ADAP1: variants seen among roughly 807,000 people sequenced by gnomAD.
ADAP1 encodes arf-GAP with dual PH domain-containing protein 1.
A neutral mutation model predicts 54.9 loss-of-function variants in ADAP1; 31 were observed. The observed-to-expected ratio is 0.56, with a 90% CI of 0.42 to 0.76. The LOEUF (loss-of-function observed/expected upper bound fraction) is 0.76. Ranked by LOEUF, ADAP1 falls within the 30% of genes least tolerant of loss-of-function variation. The probability of loss-of-function intolerance (pLI) is 0.00; values close to 1 mark genes in which losing one functional copy is unlikely to be tolerated. For missense variants in ADAP1, 535 were observed against 512.4 expected (o/e 1.04, Z -0.42); for synonymous variants, 313 against 202.6 (o/e 1.55, Z -4.63).
intron 1 of ADAP1, among the ~76,000 whole-genome samples, chr7:953,518 T>A (rs980942834): frequency 6.6e-6 from 1 of 151,976 alleles, no homozygotes; most frequent in African/African-American, 2.4e-5. Flanking sequence ...CGCCGGTGAG[T>A]TTAGGTTTGT....
chr7:936,180 C>T (rs1295067400), intron 1 of ADAP1, among the ~76,000 whole-genome samples: 3 of 152,104 alleles, frequency 2.0e-5, no homozygotes, highest in African/African-American at 7.2e-5. Flanking sequence ...GGCTCAGGCC[C>T]GTAATCCCAG....
chr7:901,367 C>T (rs1467419838), intron 6 of ADAP1: 1 of 220,678 alleles, frequency 4.5e-6, no homozygotes, highest in African/African-American at 2.3e-5. Context: ...GAGCTGGTGA[C>T]CTCTGGAAAG....
chr7:905,393 GAAAGGAGAAAGGAGA>G (rs1562911639), intron 4 of ADAP1: 4 of 242,268 alleles, frequency 1.7e-5, no homozygotes, highest in African/African-American at 7.3e-5. Context: ...GGAGAAAGGA[GAAAGGAGAAAGGAGA>G]AAGGGAGAAA....
Position 926,873 on chromosome 7 carries a change from C to G in ADAP1, c.214-229G>C. 1.1e-6 allele frequency: 1 copy of G among 919,412 alleles called. No homozygotes were observed. Among genetic ancestry groups the G allele is most frequent in the Non-Finnish European group, 1.5e-6 (1 of 651,630 alleles). 57.0% of individuals were successfully genotyped at this position (919,412 alleles called of 1,614,324 possible). A position where few individuals can be genotyped will look rare whatever the true frequency, so the allele number is the denominator to read the frequency against. On this transcript the variant is annotated intron_variant, in intron 2 of 10. Coordinates refer to ENST00000265846, the MANE Select transcript of ADAP1 (RefSeq NM_006869.4). The surrounding 1 kb of genome is among the most constrained non-coding windows in gnomAD (Gnocchi z 4.6). ...AGCCAGCGTCCCTAACGACGGGGTC[C>G]CGGCAAAGGGGGCCCAGGGGCCAGG...
intron 5 of ADAP1, 107 bp downstream of exon 5, chr7:904,953 A>T: frequency 1.1e-6 from 1 of 923,122 alleles, no homozygotes; most frequent in Non-Finnish European, 1.7e-6. Context: ...CGGGGGGGGC[A>T]GCAGGGAGGG....
intron 4 of ADAP1, among the ~76,000 whole-genome samples, chr7:914,703 C>T (rs1055340735): frequency 6.6e-6 from 1 of 152,132 alleles, no homozygotes; most frequent in Non-Finnish European, 1.5e-5. Context: ...GGAGAGGTGC[C>T]CTGGAGCCCC....
rs568257925 is a variant in ADAP1, at chr7:945,318, G to A, written c.82+9078C>T. ...ACCCTCCAGGGTGGAAGGGGAGCTG[G>A]TCTGACGCCCCAGCAGCAGGGCCCC... On this transcript the variant is annotated intron_variant, in intron 1 of 10. Coordinates refer to ENST00000265846, the MANE Select transcript of ADAP1 (RefSeq NM_006869.4). This position sits in a 1 kb window ranked among gnomAD's most constrained non-coding sequence, Gnocchi z 4.2. Among the ~76,000 whole-genome samples the A allele has an allele frequency of 2.3e-4, 35 of 152,342 alleles. No individual in the cohort carries two copies. The highest frequency in any genetic ancestry group is 1.0e-4 in the Non-Finnish European group (7 of 68,018).
chr7:919,257 C>A (rs544741447), intron 4 of ADAP1, among the ~76,000 whole-genome samples: 1 of 152,342 alleles, frequency 6.6e-6, no homozygotes, highest in African/African-American at 2.4e-5. Flanking sequence ...CTCACCCGGG[C>A]CTTCAGGTCC....
chr7:912,849 G>A (rs962382481), intron 4 of ADAP1, among the ~76,000 whole-genome samples: 1 of 152,056 alleles, frequency 6.6e-6, no homozygotes, highest in Middle Eastern at 3.2e-3. Context: ...TATCACGCCA[G>A]GCCTATTTAT....
chr7:912,165 G>A (rs558821411), intron 4 of ADAP1, among the ~76,000 whole-genome samples: 1 of 152,312 alleles, frequency 6.6e-6, no homozygotes, highest in South Asian at 2.1e-4. Flanking sequence ...ACCACCAGGA[G>A]GGGCCGTCCT....
rs756545112 is a variant in ADAP1 at position 899,408 on chromosome 7, C to T, written c.867+11G>A. The stretch of plus-strand genomic sequence containing the variant: ...CTGCCCTCCCGTGCTGGGGCCACAG[C>T]TCCTCCTTACCAGGGGGTCTTTGAA... On this transcript the variant is annotated intron_variant, in intron 9 of 10. Transcript: ENST00000265846. 3.1e-6 allele frequency: 5 copies of T among 1,612,670 alleles called. No homozygotes were observed. The highest frequency in any genetic ancestry group is 2.7e-5 in the African/African-American group (2 of 74,932).
At chr7:953,962 C>T (rs534021124) in intron 1 of ADAP1, among the ~76,000 whole-genome samples, 3 of 152,320 alleles carry the variant, frequency 2.0e-5, no homozygotes, top group African/African-American at 7.2e-5. Context: ...CATGACGTCA[C>T]CGCGAGGTGG....
chr7:935,109 C>T lies in ADAP1; in HGVS notation c.213+266G>A, dbSNP rs1394019695. On this transcript the variant is annotated intron_variant, in intron 2 of 10. Coordinates refer to ENST00000265846, the MANE Select transcript of ADAP1 (RefSeq NM_006869.4). ...TCCGGAGCTCCCAGGGCACGGGAAT[C>T]GGCGACCCGCCTTCGCTCCCTGGCC... is the stretch of plus-strand genomic sequence containing the variant. 19 of 598,558 alleles carry T rather than the reference C, an allele frequency of 3.2e-5. No homozygotes were observed. In the East Asian group the frequency reaches 6.4e-4, roughly 20 times the overall value. 37.1% of individuals were successfully genotyped at this position (598,558 alleles called of 1,614,324 possible).
chr7:920,979 T>G lies in ADAP1; in HGVS notation c.306-929A>C. On this transcript the variant is annotated intron_variant, in intron 3 of 10. Coordinates refer to ENST00000265846, the MANE Select transcript of ADAP1 (RefSeq NM_006869.4). The surrounding 1 kb of genome is among the most constrained non-coding windows in gnomAD (Gnocchi z 4.5). The stretch of plus-strand genomic sequence containing the variant: ...TGGGCGGGAATCCTCGCCCACAGGA[T>G]CTGATGGGTGATGGGTCCCAGCTGG... The G allele has an allele frequency of 9.9e-7, 1 of 1,006,332 alleles. No individual in the cohort carries two copies. 62.3% of individuals were successfully genotyped at this position (1,006,332 alleles called of 1,614,324 possible).
chr7:898,510 T>TC lies in ADAP1; in HGVS notation c.*410dup. On this transcript the variant is annotated 3_prime_UTR_variant, in exon 11 of 11. Coordinates refer to ENST00000265846, the MANE Select transcript of ADAP1 (RefSeq NM_006869.4). ...GGGGCGGCATGCGAGCAGGGCCCAG[T>TC]CCCCAGCGGCCGGCAGCTGCCCACC... is the stretch of plus-strand genomic sequence containing the variant. The TC allele has an allele frequency of 3.5e-6, 1 of 285,476 alleles. No homozygotes were observed. The allele number at this position is 285,476 out of a possible 1,614,324, so 17.7% of individuals were successfully genotyped here.
intron 1 of ADAP1, among the ~76,000 whole-genome samples, chr7:954,068 A>G (rs1847329961): frequency 6.6e-6 from 1 of 151,826 alleles, no homozygotes; most frequent in Non-Finnish European, 1.5e-5. Flanking sequence ...TTCTGTGCGG[A>G]GCCCGAGCTT....
Position 905,810 on chromosome 7 carries a change from A to AGGAGAAGGGAGAAGGGAGAAGGGAGAAG in ADAP1, c.389-666_389-639dup, listed in dbSNP as rs1174055534. ...AGAAAGGAGAAAGGAGAAAGGAGAA[A>AGGAGAAGGGAGAAGGGAGAAGGGAGAAG]GGAGAAGGGAGAAGGGAGAAGGGAG... On this transcript the variant is annotated intron_variant, in intron 4 of 10. Coordinates refer to ENST00000265846, the MANE Select transcript of ADAP1 (RefSeq NM_006869.4). Among the ~76,000 whole-genome samples the AGGAGAAGGGAGAAGGGAGAAGGGAGAAG allele has an allele frequency of 1.7e-3, 52 of 29,758 alleles. 6 individuals carry two copies. The highest frequency in any genetic ancestry group is 3.6e-3 in the South Asian group (3 of 822). The allele number at this position is 29,758 out of a possible 152,430, so 19.5% of individuals were successfully genotyped here.
intron 1 of ADAP1, among the ~76,000 whole-genome samples, chr7:950,874 A>AG (rs1221558438): frequency 6.6e-6 from 1 of 150,982 alleles, no homozygotes; most frequent in Non-Finnish European, 1.5e-5. Context: ...AAAAAAAAAA[A>AG]AAAACAAGAA....
At chr7:902,646 T>G (rs78554813) in intron 6 of ADAP1, among the ~76,000 whole-genome samples, 11,672 of 151,206 alleles carry the variant, frequency 0.077, 556 homozygotes, top group South Asian at 0.17. Context: ...AACAGGAGTT[T>G]CAGAAAATGA....
Sources: gnomAD v4.1 joint callset for allele counts (sites outside exome capture counted in the v4.1 genomes callset) on GRCh38, gnomAD v4.1.1 for gene constraint, Gnocchi (gnomAD v3.1) non-coding constraint, MANE v1.5 for transcripts, NCBI Gene and HGNC (gene_info 2026-07-23, HGNC 2026-07-21) for gene names.